PTPRD: variants seen among roughly 807,000 people sequenced by gnomAD.
The protein encoded by PTPRD is protein tyrosine phosphatase receptor type D.
Under a neutral mutation model 214.5 loss-of-function variants are expected in PTPRD, and 34 were observed. The ratio of observed to expected loss-of-function variants is 0.16; its 90% confidence interval spans 0.12 to 0.21. The LOEUF (loss-of-function observed/expected upper bound fraction) is 0.21, where lower values mean the gene tolerates loss of function less well. PTPRD is among the 10% of genes least tolerant of loss of function. The pLI is 1.00. For synonymous variants in PTPRD, 1,128 were observed against 845.7 expected (o/e 1.33, Z -5.79); for missense variants, 2,545 against 2,398.7 (o/e 1.06, Z -1.27).
At chr9:8,539,252 TA>T (rs1477927550) in intron 14 of PTPRD, among the ~76,000 whole-genome samples, 6 of 151,934 alleles carry the variant, frequency 3.9e-5, no homozygotes, top group Non-Finnish European at 1.5e-5. Flanking sequence ...ATAAATTTAT[TA>T]AATATAAAGA....
chr9:8,859,249 A>G (rs1335193027), intron 11 of PTPRD, among the ~76,000 whole-genome samples: 2 of 152,214 alleles, frequency 1.3e-5, no homozygotes, highest in African/African-American at 4.8e-5. Context: ...GCTTCTCTGA[A>G]GGACACTATA....
At chr9:10,102,760 G>C (rs1223210398) in intron 3 of PTPRD, among the ~76,000 whole-genome samples, 1 of 151,410 alleles carries the variant, frequency 6.6e-6, no homozygotes, top group Non-Finnish European at 1.5e-5. Context: ...TGAGTATAAA[G>C]AAAAATTTTC....
At chr9:8,770,163 C>T (rs972205619) in intron 11 of PTPRD, among the ~76,000 whole-genome samples, 2 of 152,008 alleles carry the variant, frequency 1.3e-5, no homozygotes, top group African/African-American at 4.8e-5. Context: ...CGCCTGTAAT[C>T]CCAGCTACTC....
chr9:8,732,905 G>T (rs1463353508), intron 12 of PTPRD, among the ~76,000 whole-genome samples: 12 of 152,286 alleles, frequency 7.9e-5, no homozygotes, highest in African/African-American at 2.9e-4. Flanking sequence ...GACTGCAGAT[G>T]TCACACATTT....
intron 10 of PTPRD, among the ~76,000 whole-genome samples, chr9:9,030,057 G>A (rs1226683485): frequency 6.6e-6 from 1 of 151,842 alleles, no homozygotes; most frequent in Non-Finnish European, 1.5e-5. Context: ...AAGAAAATGG[G>A]AAGAGAACAG....
At chr9:10,337,325 T>A (rs1345649921) in intron 3 of PTPRD, among the ~76,000 whole-genome samples, 1 of 151,696 alleles carries the variant, frequency 6.6e-6, no homozygotes, top group Non-Finnish European at 1.5e-5. Flanking sequence ...AGATACAAGA[T>A]ACAGATATGC....
intron 11 of PTPRD, among the ~76,000 whole-genome samples, chr9:8,835,211 A>G (rs1030790611): frequency 6.6e-6 from 1 of 152,254 alleles, no homozygotes; most frequent in Non-Finnish European, 1.5e-5. Flanking sequence ...TATGGGTACC[A>G]GCTATAGTCA....
At chr9:9,994,605 A>T (rs1356205190) in intron 4 of PTPRD, among the ~76,000 whole-genome samples, 1 of 152,176 alleles carries the variant, frequency 6.6e-6, no homozygotes, top group Non-Finnish European at 1.5e-5. Context: ...AAAAGCATAA[A>T]AGAAAAAACA....
At chr9:8,916,596 T>C (rs550969192) in intron 11 of PTPRD, among the ~76,000 whole-genome samples, 8 of 152,258 alleles carry the variant, frequency 5.3e-5, no homozygotes, top group African/African-American at 1.7e-4. Context: ...TTGTAGATTA[T>C]AAAATTCTCA....
At chr9:8,778,415 C>T (rs1407902156) in intron 11 of PTPRD, among the ~76,000 whole-genome samples, 1 of 152,166 alleles carries the variant, frequency 6.6e-6, no homozygotes, top group African/African-American at 2.4e-5. Flanking sequence ...GCTCAGCCTC[C>T]TCTAACTTCT....
At chr9:10,293,075 T>C (rs1409864054) in intron 3 of PTPRD, among the ~76,000 whole-genome samples, 1 of 151,946 alleles carries the variant, frequency 6.6e-6, no homozygotes, top group Non-Finnish European at 1.5e-5. Context: ...GTTTTATTGA[T>C]GTCACTTTAA....
chr9:9,074,233 A>G (rs1257954767), intron 10 of PTPRD, among the ~76,000 whole-genome samples: 2 of 152,104 alleles, frequency 1.3e-5, no homozygotes, highest in Non-Finnish European at 2.9e-5. Flanking sequence ...TTGATCTTCA[A>G]TGGGATAAAT....
chr9:10,081,544 C>A (rs10116279), intron 3 of PTPRD, among the ~76,000 whole-genome samples: 46,941 of 151,756 alleles, frequency 0.31, 7,787 homozygotes, highest in African/African-American at 0.44. Flanking sequence ...AGTGAGTAGA[C>A]AGCCTTCTGC....
intron 2 of PTPRD, among the ~76,000 whole-genome samples, chr9:10,481,830 T>C (rs1419711952): frequency 1.3e-5 from 2 of 152,174 alleles, no homozygotes; most frequent in Non-Finnish European, 2.9e-5. Flanking sequence ...ACTACATATA[T>C]TTTCTCATCT....
chr9:8,645,054 G>C (rs369846994), intron 12 of PTPRD, among the ~76,000 whole-genome samples: 3 of 152,196 alleles, frequency 2.0e-5, no homozygotes, highest in Admixed American at 6.5e-5. Context: ...AGATTGCACA[G>C]ATAATATATC....
intron 31 of PTPRD, among the ~76,000 whole-genome samples, chr9:8,467,559 C>T (rs982951527): frequency 2.6e-5 from 4 of 151,632 alleles, no homozygotes; most frequent in African/African-American, 9.7e-5. Flanking sequence ...TATAATTAGA[C>T]TCAATTACTG....
At chr9:8,948,481 TTATATATATATTTATATATATATTTATA>T (rs2099082051) in intron 11 of PTPRD, among the ~76,000 whole-genome samples, 1 of 15,242 alleles carries the variant, frequency 6.6e-5, no homozygotes, top group African/African-American at 1.5e-4. Context: ...ATATATATAT[TTATATATATATTTATATATATATTTATA>T]TATATATATT....
chr9:8,492,468 G>C (rs2097169720), intron 27 of PTPRD, among the ~76,000 whole-genome samples: 1 of 151,938 alleles, frequency 6.6e-6, no homozygotes, highest in South Asian at 2.1e-4. Flanking sequence ...ACCACTTTCT[G>C]ACATTTTATT....
chr9:10,464,944 A>C (rs1246078076), intron 2 of PTPRD, among the ~76,000 whole-genome samples: 1 of 152,218 alleles, frequency 6.6e-6, no homozygotes, highest in East Asian at 1.9e-4. Context: ...TGACAAAATG[A>C]TGGTCAAAGA....
Sources: gnomAD v4.1 joint callset for allele counts (sites outside exome capture counted in the v4.1 genomes callset) on GRCh38, gnomAD v4.1.1 for gene constraint, MANE v1.5 for transcripts, NCBI Gene and HGNC (gene_info 2026-07-23, HGNC 2026-07-21) for gene names.